MAP4K4: variants seen among roughly 807,000 people sequenced by gnomAD.
The protein encoded by MAP4K4 is HPK/GCK-like kinase HGK.
MAP4K4 carries 38 observed loss-of-function variants against 189.6 expected under a neutral mutation model. The observed-to-expected ratio is 0.20, with a 90% CI of 0.15 to 0.26. The LOEUF (loss-of-function observed/expected upper bound fraction) is 0.26. Among genes scored for constraint, MAP4K4 ranks in the 10% least tolerant of loss-of-function variants. The pLI is 1.00. For missense variants in MAP4K4, 1,054 were observed against 1,726.9 expected (o/e 0.61, Z 6.91); for synonymous variants, 610 against 624.3 (o/e 0.98, Z 0.34).
At chr2:101,784,302 GTGTGTGTT>G (rs1381583889) in intron 2 of MAP4K4, among the ~76,000 whole-genome samples, 9 of 151,242 alleles carry the variant, frequency 6.0e-5, no homozygotes, top group African/African-American at 2.2e-4. Context: ...GTGTGTGTGT[GTGTGTGTT>G]TTTAAACACC....
In MAP4K4 at chr2:101,698,659, G is replaced by C. The variant is rs111671688; in HGVS notation, c.123+121G>C. The C allele has an allele frequency of 8.9e-4, 793 of 888,200 alleles. 3 individuals carry two copies. Among genetic ancestry groups the C allele is most frequent in the South Asian group, 1.9e-3 (131 of 69,516 alleles). 55.0% of individuals were successfully genotyped at this position (888,200 alleles called of 1,614,324 possible). On this transcript the variant is annotated intron_variant, in intron 2 of 32. Coordinates refer to ENST00000324219, the Ensembl canonical transcript of MAP4K4. The stretch of plus-strand genomic sequence containing the variant: ...ACGCCGCTTGGCCAAAGTTGGGAGA[G>C]GGGTTTCTTTCGCCTTGCAGTCCCT...
intron 3 of MAP4K4, among the ~76,000 whole-genome samples, chr2:101,817,131 T>C (rs756874091): frequency 1.3e-5 from 2 of 152,126 alleles, no homozygotes; most frequent in African/African-American, 2.4e-5. Context: ...TAAGTACTAA[T>C]ATGAACTATT....
exon 29 of MAP4K4, chr2:101,885,224 G>T: frequency 6.2e-7 from 1 of 1,607,120 alleles, no homozygotes; most frequent in Non-Finnish European, 8.5e-7. Flanking sequence ...TGATTGCTTT[G>T]AAGAGTTCTG....
intron 12 of MAP4K4, among the ~76,000 whole-genome samples, chr2:101,847,141 T>C (rs1163466982): frequency 1.3e-5 from 2 of 152,212 alleles, no homozygotes; most frequent in African/African-American, 2.4e-5. Context: ...ATCATAGCCA[T>C]TGTAACGTGT....
chr2:101,859,581 C>G, intron 14 of MAP4K4, 62 bp from the exon 15 acceptor site: 4 of 1,267,602 alleles, frequency 3.2e-6, no homozygotes, highest in Middle Eastern at 2.3e-4. Flanking sequence ...CCGAACAAAT[C>G]CAGAGAAGAG....
exon 20 of MAP4K4, chr2:101,867,307 G>A: frequency 6.2e-7 from 1 of 1,602,314 alleles, no homozygotes; most frequent in Non-Finnish European, 8.5e-7. Flanking sequence ...CCTCAAGCCT[G>A]CTGTAAGGAT....
chr2:101,708,578 GT>G (rs1357040265), intron 2 of MAP4K4, among the ~76,000 whole-genome samples: 3 of 152,146 alleles, frequency 2.0e-5, no homozygotes, highest in Admixed American at 6.5e-5. Context: ...AGATAGAGGA[GT>G]TTGTTCAGCA....
At chr2:101,711,327 G>C (rs985191648) in intron 2 of MAP4K4, among the ~76,000 whole-genome samples, 6 of 151,510 alleles carry the variant, frequency 4.0e-5, no homozygotes, top group Admixed American at 3.3e-4. Flanking sequence ...TTTTAAGACA[G>C]AGCTGCAACC....
chr2:101,723,724 C>T (rs2149476061), intron 2 of MAP4K4, among the ~76,000 whole-genome samples: 1 of 152,332 alleles, frequency 6.6e-6, no homozygotes, highest in African/African-American at 2.4e-5. Flanking sequence ...TTGTTTTCTA[C>T]ACTTTGAGAG....
At chr2:101,710,354 C>G (rs1284516496) in intron 2 of MAP4K4, among the ~76,000 whole-genome samples, 3 of 152,184 alleles carry the variant, frequency 2.0e-5, no homozygotes, top group African/African-American at 4.8e-5. Context: ...TTCCTTGATT[C>G]CCAGAAAAAT....
intron 2 of MAP4K4, among the ~76,000 whole-genome samples, chr2:101,718,863 C>A (rs1401894655): frequency 1.3e-5 from 2 of 152,086 alleles, no homozygotes; most frequent in Non-Finnish European, 2.9e-5. Flanking sequence ...TCCATACTTT[C>A]AATAGTAAGG....
intron 27 of MAP4K4, 110 bp downstream of exon 27, chr2:101,877,256 TAC>T (rs1050539877): frequency 1.9e-6 from 2 of 1,066,518 alleles, no homozygotes; most frequent in African/African-American, 3.1e-5. Flanking sequence ...CTAAATAAGG[TAC>T]AACCACATTG....
chr2:101,885,967 T>C (rs1257433967), intron 29 of MAP4K4, among the ~76,000 whole-genome samples: 1 of 152,216 alleles, frequency 6.6e-6, no homozygotes, highest in Non-Finnish European at 1.5e-5. Flanking sequence ...GGTGATTGGC[T>C]TTTTAGAATA....
intron 8 of MAP4K4, among the ~76,000 whole-genome samples, chr2:101,835,355 T>G (rs2096718659): frequency 1.3e-5 from 2 of 152,366 alleles, no homozygotes; most frequent in South Asian, 4.1e-4. Flanking sequence ...AATGCCTACA[T>G]GTGTGCCTAA....
intron 13 of MAP4K4, among the ~76,000 whole-genome samples, chr2:101,858,151 G>A (rs73945505): frequency 0.011 from 1,636 of 152,264 alleles, 33 homozygotes; most frequent in African/African-American, 0.037. Flanking sequence ...CTGAGAAAAG[G>A]GGAGCTTTAG....
chr2:101,869,958 C>T lies in MAP4K4; in HGVS notation c.2639+161C>T, dbSNP rs953692406. 2.4e-5 allele frequency: 22 copies of T among 929,554 alleles called. 1 individual carries two copies. In the African/African-American group the frequency reaches 3.7e-4, roughly 16 times the overall value. 57.6% of individuals were successfully genotyped at this position (929,554 alleles called of 1,614,324 possible). ...GTCGCCTTGTGTTTCCCCTTCTCTT[C>T]GTTGGTGTGTGCATATGTCAGTGCT... On this transcript the variant is annotated intron_variant, in intron 22 of 32. Coordinates refer to ENST00000324219, the Ensembl canonical transcript of MAP4K4.
chr2:101,716,267 C>T (rs1415418748), intron 2 of MAP4K4, among the ~76,000 whole-genome samples: 3 of 152,180 alleles, frequency 2.0e-5, no homozygotes, highest in Non-Finnish European at 2.9e-5. Flanking sequence ...CACGGTGAAA[C>T]GCCGTCTCTA....
At chr2:101,875,680 C>G (rs1183392104) in intron 26 of MAP4K4, among the ~76,000 whole-genome samples, 1 of 152,208 alleles carries the variant, frequency 6.6e-6, no homozygotes, top group Non-Finnish European at 1.5e-5. Context: ...TCAGTACACA[C>G]AGATATGTGC....
At chr2:101,867,449 C>G in intron 20 of MAP4K4, 140 bp downstream of exon 20, 1 of 631,732 alleles carries the variant, frequency 1.6e-6, no homozygotes. Context: ...ATGACCTAAA[C>G]CCCAGACATA....
Sources: allele counts gnomAD v4.1 joint callset (sites outside exome capture counted in the v4.1 genomes callset), GRCh38; gene constraint gnomAD v4.1.1; transcripts MANE v1.5; gene names NCBI Gene and HGNC (gene_info 2026-07-23, HGNC 2026-07-21).